MUC4: variants seen among roughly 807,000 people sequenced by gnomAD.
MUC4 encodes the protein mucin-4.
In MUC4, 202 loss-of-function variants were observed where a neutral mutation model predicts 257.9. That is an observed-to-expected ratio of 0.78 (90% confidence interval 0.70 to 0.88). The LOEUF is 0.88. Ranked by LOEUF, MUC4 falls within the 40% of genes least tolerant of loss-of-function variation. The pLI is 0.00. For missense variants in MUC4, 5,976 were observed against 6,513.7 expected (o/e 0.92, Z 2.84); for synonymous variants, 2,351 against 2,757.1 (o/e 0.85, Z 4.62).
In MUC4 at chr3:195,811,813, T is replaced by G; in HGVS notation, c.5A>C (p.Lys2Thr). 6.2e-7 allele frequency: 1 copy of G among 1,613,658 alleles called. No homozygotes were observed. The highest frequency in any genetic ancestry group is 1.3e-5 in the African/African-American group (1 of 75,036). Residue 2 changes from lysine (K) to threonine (T), a missense_variant, in exon 1 of 25, where the codon AAG (lysine) becomes ACG (threonine). This residue lies in a region of MUC4 where 1,583 missense variants were observed against 1,257.4 expected (regional missense o/e 1.26). Transcript: ENST00000463781. MKGARWRRVPWV... is the reference protein window; with the variant it reads MTGARWRRVPWV... ...GGGGACCCTCCTCCAGCGTGCCCCCTTCATGGCTGCGGCAAAAGTCCCCCT... is the reference window on the plus strand; with the variant it reads ...GGGGACCCTCCTCCAGCGTGCCCCCGTCATGGCTGCGGCAAAAGTCCCCCT...
At position 195,791,017 on chromosome 3, in the gene MUC4, A is replaced by G. The variant is rs1345003213; in HGVS notation, c.563T>C (p.Ile188Thr). ...CTGAGAAGAAGCTGATGTGTCTTGG[A>G]TAGAGGTCCTCCAGGAAGTTGTTCG... ...QSRTTSWRTS[I>T]QDTSASSQNH... Residue 188 changes from isoleucine (I) to threonine (T), a missense_variant, in exon 2 of 25, where the codon ATC becomes ACC. By Grantham distance (89) the Ile-to-Thr change is moderately conservative. Coordinates refer to ENST00000463781, the MANE Select transcript of MUC4 (RefSeq NM_018406.7). 1.2e-6 allele frequency: 2 copies of G among 1,613,168 alleles called. No individual in the cohort carries two copies. The highest frequency in any genetic ancestry group is 1.7e-6 in the Non-Finnish European group (2 of 1,179,708).
Position 195,748,957 on chromosome 3 carries a change from C to G in MUC4, c.15979G>C (p.Gly5327Arg). Residue 5327 changes from glycine to arginine, a missense_variant, in exon 24 of 25, where the codon GGC (glycine) becomes CGC (arginine). Gly to Arg is a moderately radical substitution (Grantham distance 125). Around this residue, in one of 44 missense-constraint regions of MUC4, gnomAD observed 310 missense variants for 242.1 expected, o/e 1.28. Coordinates refer to ENST00000463781, the MANE Select transcript of MUC4 (RefSeq NM_018406.7). Reference protein sequence around the residue: ...GFTCVSPCSRGYCDHGGQCQH... With the variant: ...GFTCVSPCSRRYCDHGGQCQH... The stretch of plus-strand genomic sequence containing the variant: ...CACTGGCCTCCATGGTCACAGTAGC[C>G]CCTACTGCACGGGGACACGCAGGTG... 6.2e-7 allele frequency: 1 copy of G among 1,607,060 alleles called. No individual in the cohort carries two copies. The highest frequency in any genetic ancestry group is 8.5e-7 in the Non-Finnish European group (1 of 1,176,822).
In MUC4 at chr3:195,765,026, C is replaced by G; in HGVS notation, c.13895G>C (p.Gly4632Ala). The G allele has an allele frequency of 6.2e-7, 1 of 1,613,974 alleles. No individual in the cohort carries two copies. Among genetic ancestry groups the G allele is most frequent in the South Asian group, 1.1e-5 (1 of 91,084 alleles). The change falls in exon 10 of 25, where the codon GGC becomes GCC. Residue 4632 changes from glycine (G) to alanine (A), a missense_variant. Physicochemically the swap from Gly to Ala is moderately conservative, Grantham distance 60. Transcript: ENST00000463781. ...SYGPWGEFRE[G>A]WHVQRPWQLA... is the part of the protein sequence containing the mutation. Reference sequence around the variant, plus strand: ...CTGCCAAGGACGCTGCACGTGCCAGCCTTCACGAAACTCTCCCCAGGGCCC... The same window carrying G: ...CTGCCAAGGACGCTGCACGTGCCAGGCTTCACGAAACTCTCCCCAGGGCCC...
At chr3:195,750,861 A>G in intron 23 of MUC4, 28 bp downstream of exon 23, 2 of 1,606,560 alleles carry the variant, frequency 1.2e-6, no homozygotes, top group Non-Finnish European at 1.7e-6. Context: ...AGTGACCCCC[A>G]TAGTGTCCCC....
rs770795019 is a variant in MUC4 at position 195,781,168 on chromosome 3, G to T, written c.10412C>A (p.Thr3471Asn). The T allele has an allele frequency of 2.7e-6, 4 of 1,488,934 alleles. No individual in the cohort carries two copies. Among genetic ancestry groups the T allele is most frequent in the Admixed American group, 2.1e-5 (1 of 47,544 alleles). The allele number at this position is 1,488,934 out of a possible 1,614,324, so 92.2% of individuals were successfully genotyped here. Residue 3471 changes from threonine (T) to asparagine (N), a missense_variant, in exon 2 of 25, where the codon ACC becomes AAC. Transcript: ENST00000463781. The part of the protein sequence containing the change: ...DTSSASTGDT[T>N]PLPVTSPSSA... ...GGAAGGGCTGGTGACAGGAAGAGGG[G>T]TGGTGTCACCTGTGGATGCTGAGGA... is the stretch of plus-strand genomic sequence containing the variant.
chr3:195,791,252 C>T lies in MUC4; in HGVS notation c.328G>A (p.Val110Met), dbSNP rs1733829475. ...TCATCTGGAGGAGCTGTCTCCATCA[C>T]ATTGTGTACACTTGGGGAAGAAAAA... The part of the protein sequence containing the change: ...TLFSSPSVHN[V>M]METAPPDEMT... The change falls in exon 2 of 25, where the codon GTG (valine) becomes ATG (methionine). Residue 110 changes from valine (V) to methionine (M), a missense_variant. Val to Met is a conservative substitution (Grantham distance 21). Around this residue, in one of 44 missense-constraint regions of MUC4, gnomAD observed 1,583 missense variants for 1,257.4 expected, o/e 1.26. Coordinates refer to ENST00000463781, the MANE Select transcript of MUC4 (RefSeq NM_018406.7). 3.0e-6 allele frequency: 1 copy of T among 338,140 alleles called. No homozygotes were observed. Among genetic ancestry groups the T allele is most frequent in the South Asian group, 3.7e-5 (1 of 27,032 alleles). 20.9% of individuals were successfully genotyped at this position (338,140 alleles called of 1,614,324 possible).
In MUC4 at chr3:195,789,194, G is replaced by C. The variant is rs1277039508; in HGVS notation, c.2386C>G (p.Arg796Gly). The C allele has an allele frequency of 5.6e-6, 9 of 1,613,834 alleles. No homozygotes were observed. The highest frequency in any genetic ancestry group is 7.6e-6 in the Non-Finnish European group (9 of 1,179,850). The stretch of plus-strand genomic sequence containing the variant: ...GTAGCTGTGCCCGCTGAGGTGGTTC[G>C]TGACCCTGAGGAGGCCGGTTCGCTG... The part of the protein sequence containing the change: ...QTSEPASSGS[R>G]TTSAGTATPS... The change falls in exon 2 of 25, where the codon CGA becomes GGA. Residue 796 changes from arginine to glycine, a missense_variant. Arg to Gly is a moderately radical substitution (Grantham distance 125). Transcript: ENST00000463781.
chr3:195,790,198 G>T lies in MUC4; in HGVS notation c.1382C>A (p.Thr461Asn). ...FHTQQSEGAE[T>N]TGRPHERSSF... ...GCTCCTCTCATGAGGCCGTCCTGTGGTCTCTGCACCTTCACTCTGCTGGGT... is the reference window on the plus strand; with the variant it reads ...GCTCCTCTCATGAGGCCGTCCTGTGTTCTCTGCACCTTCACTCTGCTGGGT... Residue 461 changes from threonine (T) to asparagine (N), a missense_variant, in exon 2 of 25, where the codon ACC (threonine) becomes AAC (asparagine). Transcript: ENST00000463781. 6.2e-7 allele frequency: 1 copy of T among 1,614,026 alleles called. No individual in the cohort carries two copies. The highest frequency in any genetic ancestry group is 8.5e-7 in the Non-Finnish European group (1 of 1,179,886).
At chr3:195,805,062 TTATC>T (rs1484286778) in intron 1 of MUC4, among the ~76,000 whole-genome samples, 2 of 58,460 alleles carry the variant, frequency 3.4e-5, no homozygotes, top group East Asian at 4.6e-4. Flanking sequence ...TTCTTTATCT[TTATC>T]TTTTTTTTTT....
rs1453950060 is a variant in MUC4 at position 195,779,831 on chromosome 3, CAT to C, written c.11747_11748del (p.Asp3916GlyfsTer33). 20 of 961,920 alleles carry C rather than the reference CAT, an allele frequency of 2.1e-5. 4 individuals carry two copies. The highest frequency in any genetic ancestry group is 6.1e-5 in the East Asian group (1 of 16,390). The allele number at this position is 961,920 out of a possible 1,614,324, so 59.6% of individuals were successfully genotyped here. ...TCGGTGACAGGAAGACGGGTGGTGT[CAT>C]CTGTGGAAGCTGAGGAAGTGTCGGT... ...PVTDTSSAST[D>X]DTTRLPVTDV... is the part of the protein sequence containing the mutation. On this transcript the variant is annotated frameshift_variant, in exon 2 of 25. Transcript: ENST00000463781. LOFTEE classifies it high-confidence loss of function.
At position 195,768,668 on chromosome 3, in the gene MUC4, T is replaced by G. The variant is rs143468492; in HGVS notation, c.13529+354A>C. ...TCGTGGGGTGGCTGTGATCATGACATGCAGTAATGTACACGAAGTGTTAGT... is the reference window on the plus strand; with the variant it reads ...TCGTGGGGTGGCTGTGATCATGACAGGCAGTAATGTACACGAAGTGTTAGT... On this transcript the variant is annotated intron_variant, in intron 7 of 24. Transcript: ENST00000463781. Among the ~76,000 whole-genome samples, 360 of 152,350 alleles carry G rather than the reference T, an allele frequency of 2.4e-3. 1 individual carries two copies. The highest frequency in any genetic ancestry group is 0.01 in the Middle Eastern group (3 of 294).
In MUC4 at chr3:195,791,048, G is replaced by A. The variant is rs781219814; in HGVS notation, c.532C>T (p.Gln178Ter). 9.9e-6 allele frequency: 16 copies of A among 1,613,880 alleles called. No homozygotes were observed. Among genetic ancestry groups the A allele is most frequent in the Non-Finnish European group, 1.3e-5 (15 of 1,179,872 alleles). Residue 178 changes from glutamine to a stop codon, truncating the protein, a stop_gained, in exon 2 of 25, where the codon CAA (glutamine) becomes TAA (stop). Transcript: ENST00000463781. LOFTEE classifies it high-confidence loss of function. Reference protein sequence around the residue: ...AVSITAGQEGQSRTTSWRTSI... With the variant: ...AVSITAGQEG Reference sequence around the variant, plus strand: ...GTCCTCCAGGAAGTTGTTCGTGATTGTCCTTCCTGTCCAGCTGTTATTGAG... The same window carrying A: ...GTCCTCCAGGAAGTTGTTCGTGATTATCCTTCCTGTCCAGCTGTTATTGAG...
chr3:195,749,654 C>T (rs1366845875), intron 23 of MUC4, among the ~76,000 whole-genome samples: 1 of 152,080 alleles, frequency 6.6e-6, no homozygotes, highest in Non-Finnish European at 1.5e-5. Flanking sequence ...TCAAACATAC[C>T]ATCATAATAT....
chr3:195,771,547 G>T, intron 5 of MUC4, 105 bp downstream of exon 5: 1 of 1,333,116 alleles, frequency 7.5e-7, no homozygotes, highest in Non-Finnish European at 1.0e-6. Flanking sequence ...GTCCCCTGCT[G>T]CAGGGGCTGT....
Position 195,757,230 on chromosome 3 carries a change from G to A in MUC4, c.15085C>T (p.Pro5029Ser), listed in dbSNP as rs1455285412. The A allele has an allele frequency of 6.2e-7, 1 of 1,613,772 alleles. No individual in the cohort carries two copies. ...AKIGLASALQ[P>S]RTVVCHCNAE... ...TTGCAATGGCAGACCACAGTCCTGG[G>A]CTGGAGTGCAGATGCCAAGCCAATC... Residue 5029 changes from proline to serine, a missense_variant, in exon 18 of 25, where the codon CCC becomes TCC. Pro to Ser is a moderately conservative substitution (Grantham distance 74, BLOSUM62 -1). Coordinates refer to ENST00000463781, the MANE Select transcript of MUC4 (RefSeq NM_018406.7). The surrounding 1 kb of genome is among the most constrained non-coding windows in gnomAD (Gnocchi z 4.8).
At chr3:195,768,946 A>G in intron 7 of MUC4, 76 bp downstream of exon 7, 1 of 1,532,094 alleles carries the variant, frequency 6.5e-7, no homozygotes, top group Non-Finnish European at 8.8e-7. Flanking sequence ...CCAGGATGGG[A>G]GTGTGTGTGC....
chr3:195,762,459 C>CGCACTGGGCCCT (rs1719239531), intron 13 of MUC4, among the ~76,000 whole-genome samples: 4 of 151,298 alleles, frequency 2.6e-5, no homozygotes, highest in Non-Finnish European at 4.4e-5. Flanking sequence ...TGCACCGCCA[C>CGCACTGGGCCCT]GCACCGGGCC....
chr3:195,752,591 CATT>C, intron 20 of MUC4, 145 bp from the exon 21 acceptor site: 13 of 651,504 alleles, frequency 2.0e-5, no homozygotes, highest in Middle Eastern at 2.9e-4. Context: ...CCTCACCCTA[CATT>C]CCACAGTGAC....
At chr3:195,800,857 C>T (rs577647386) in intron 1 of MUC4, among the ~76,000 whole-genome samples, 15 of 145,920 alleles carry the variant, frequency 1.0e-4, no homozygotes, top group African/African-American at 3.3e-4. Context: ...GAGTTTGAGA[C>T]CAGCCTGGGC....
Sources: allele counts gnomAD v4.1 joint callset (sites outside exome capture counted in the v4.1 genomes callset), GRCh38; gene constraint gnomAD v4.1.1; regional missense constraint gnomAD v4.1.1; non-coding constraint Gnocchi (gnomAD v3.1); transcripts MANE v1.5; gene names NCBI Gene and HGNC (gene_info 2026-07-23, HGNC 2026-07-21).